The following DPYSL2 variants were observed in gnomAD, a reference collection of about 807,000 sequenced individuals.
The protein encoded by DPYSL2 is dihydropyrimidinase-related protein 2.
Under a neutral mutation model 69.9 loss-of-function variants are expected in DPYSL2, and 13 were observed. The ratio of observed to expected loss-of-function variants is 0.19; its 90% confidence interval spans 0.12 to 0.30. The LOEUF is 0.30. DPYSL2 is among the 10% of genes least tolerant of loss of function. The probability of loss-of-function intolerance (pLI) is 1.00; values close to 1 mark genes in which losing one functional copy is unlikely to be tolerated. For synonymous variants in DPYSL2, 326 were observed against 359.1 expected (o/e 0.91, Z 1.04); for missense variants, 587 against 918.9 (o/e 0.64, Z 4.67).
chr8:26,655,794 T>C lies in DPYSL2; in HGVS notation c.*88T>C, dbSNP rs1803373619. The C allele has an allele frequency of 2.5e-5, 32 of 1,271,678 alleles. No individual in the cohort carries two copies. The South Asian group carries it at 5.4e-4, about 21-fold the overall frequency. 78.8% of individuals were successfully genotyped at this position (1,271,678 alleles called of 1,614,324 possible). On this transcript the variant is annotated 3_prime_UTR_variant, in exon 14 of 14. Coordinates refer to ENST00000521913, the MANE Select transcript of DPYSL2 (RefSeq NM_001197293.3). ...TTCTTTCTTCCTTCCTTTTTTTTTT[T>C]TTGTTTTTTTTTTTAAGAGCCTGTG...
Position 26,580,904 on chromosome 8 carries a change from G to A in DPYSL2, c.355-1065G>A, listed in dbSNP as rs974512626. ...CATCAGCAGCATTTGCAATAACGAT[G>A]AGTCATAATGTAGCATTTCTGTCAC... On this transcript the variant is annotated intron_variant, in intron 1 of 13. Transcript: ENST00000521913. This position sits in a 1 kb window ranked among gnomAD's most constrained non-coding sequence, Gnocchi z 4.1. Among the ~76,000 whole-genome samples, 1 of 152,194 alleles carries A rather than the reference G, an allele frequency of 6.6e-6. No individual in the cohort carries two copies. Among genetic ancestry groups the A allele is most frequent in the East Asian group, 1.9e-4 (1 of 5,198 alleles).
chr8:26,537,461 T>C, intron 1 of DPYSL2, among the ~76,000 whole-genome samples: 1 of 152,204 alleles, frequency 6.6e-6, no homozygotes, highest in Non-Finnish European at 1.5e-5. Context: ...AAATTGCTTG[T>C]GCTTTTAAAG....
rs1348769920 is a variant in DPYSL2, at chr8:26,640,232, G to C, written c.1127-3207G>C. Among the ~76,000 whole-genome samples, 1 of 152,124 alleles carries C rather than the reference G, an allele frequency of 6.6e-6. No individual in the cohort carries two copies. Among genetic ancestry groups the C allele is most frequent in the African/African-American group, 2.4e-5 (1 of 41,406 alleles). On this transcript the variant is annotated intron_variant, in intron 8 of 13. Coordinates refer to ENST00000521913, the MANE Select transcript of DPYSL2 (RefSeq NM_001197293.3). The surrounding 1 kb of genome is among the most constrained non-coding windows in gnomAD (Gnocchi z 4.2). Reference sequence around the variant, plus strand: ...CCATTTATTCTTCATGAATGCACACGGGCCCCAGACTGGTTGTAAATAAGC... The same window carrying C: ...CCATTTATTCTTCATGAATGCACACCGGCCCCAGACTGGTTGTAAATAAGC...
Position 26,588,260 on chromosome 8 carries a change from C to T in DPYSL2, c.628+4277C>T, listed in dbSNP as rs571972002. On this transcript the variant is annotated intron_variant, in intron 3 of 13. Transcript: ENST00000521913. The surrounding 1 kb of genome is among the most constrained non-coding windows in gnomAD (Gnocchi z 5.4). ...GACCTGAGTATTCACTGAGAGCAGG[C>T]GCTGTCTAGGCGTGGCTGGCGGACT... is the stretch of plus-strand genomic sequence containing the variant. Among the ~76,000 whole-genome samples, 2 of 152,294 alleles carry T rather than the reference C, an allele frequency of 1.3e-5. No homozygotes were observed. The highest frequency in any genetic ancestry group is 4.1e-4 in the South Asian group (2 of 4,826).
chr8:26,607,482 C>CAAAAAAAAA (rs543475606), intron 3 of DPYSL2, among the ~76,000 whole-genome samples: 49 of 105,892 alleles, frequency 4.6e-4, no homozygotes, highest in Admixed American at 1.5e-3. Context: ...GACTCTGTCT[C>CAAAAAAAAA]AAAAAAAAAA....
At chr8:26,530,673 G>A (rs965488404) in intron 1 of DPYSL2, among the ~76,000 whole-genome samples, 3 of 152,144 alleles carry the variant, frequency 2.0e-5, no homozygotes, top group Admixed American at 6.5e-5. Flanking sequence ...AAACCGTTCC[G>A]ATGCTGTTTT....
intron 3 of DPYSL2, among the ~76,000 whole-genome samples, chr8:26,622,117 C>T (rs1381882815): frequency 2.1e-5 from 1 of 48,192 alleles, no homozygotes; most frequent in African/African-American, 6.2e-5. Flanking sequence ...TTCCTTCCTT[C>T]CTTCCTTCCT....
intron 1 of DPYSL2, among the ~76,000 whole-genome samples, chr8:26,552,716 T>C (rs1800890222): frequency 6.6e-6 from 1 of 152,180 alleles, no homozygotes; most frequent in African/African-American, 2.4e-5. Context: ...AGACCCGCTC[T>C]TGTGATAAGT....
Position 26,598,607 on chromosome 8 carries a change from G to A in DPYSL2, c.628+14624G>A, listed in dbSNP as rs757755699. Among the ~76,000 whole-genome samples, 5 of 152,184 alleles carry A rather than the reference G, an allele frequency of 3.3e-5. No individual in the cohort carries two copies. Among genetic ancestry groups the A allele is most frequent in the South Asian group, 2.1e-4 (1 of 4,826 alleles). On this transcript the variant is annotated intron_variant, in intron 3 of 13. Transcript: ENST00000521913. The surrounding 1 kb of genome is among the most constrained non-coding windows in gnomAD (Gnocchi z 4.2). ...CCCCCCAGGCACAGTCCCTGCTTAC[G>A]GGAGATTTGAGGCATTTGATCATTT...
chr8:26,578,610 T>C, intron 1 of DPYSL2: 1 of 1,242,796 alleles, frequency 8.0e-7, no homozygotes, highest in South Asian at 1.9e-5. Flanking sequence ...TGCAAGCAAA[T>C]GGATGCCAGA....
At chr8:26,528,651 A>G (rs1808528587) in intron 1 of DPYSL2, among the ~76,000 whole-genome samples, 1 of 152,040 alleles carries the variant, frequency 6.6e-6, no homozygotes, top group South Asian at 2.1e-4. Flanking sequence ...GTCTAAAAAA[A>G]AAAAAGAAAG....
intron 1 of DPYSL2, among the ~76,000 whole-genome samples, chr8:26,546,759 A>C (rs1800775050): frequency 6.6e-6 from 1 of 150,772 alleles, no homozygotes; most frequent in Non-Finnish European, 1.5e-5. Flanking sequence ...CTCTACTAAA[A>C]ATTCAAAAAA....
At chr8:26,596,369 G>T (rs1801861325) in intron 3 of DPYSL2, among the ~76,000 whole-genome samples, 1 of 152,138 alleles carries the variant, frequency 6.6e-6, no homozygotes, top group Non-Finnish European at 1.5e-5. Context: ...TGCAAACCAG[G>T]GCTGTCCTAG....
intron 3 of DPYSL2, among the ~76,000 whole-genome samples, chr8:26,592,461 AG>A (rs1428332890): frequency 1.0e-5 from 1 of 98,850 alleles, no homozygotes; most frequent in Non-Finnish European, 2.3e-5. Flanking sequence ...TTGGTACATT[AG>A]TTTTTTTTTT....
At position 26,581,995 on chromosome 8, in the gene DPYSL2, T is replaced by C; in HGVS notation, c.381T>C (p.Gly127=). Residue 127 remains glycine (G), a synonymous_variant, in exon 2 of 14, where the codon GGT becomes GGC. Coordinates refer to ENST00000521913, the MANE Select transcript of DPYSL2 (RefSeq NM_001197293.3). ...DQSDRLLIKG[G]KIVNDDQSFY... is the part of the protein sequence containing the mutation. Reference sequence around the variant, plus strand: ...GCGATCGTCTTCTGATCAAAGGAGGTAAAATTGTTAATGATGACCAGTCGT... The same window carrying C: ...GCGATCGTCTTCTGATCAAAGGAGGCAAAATTGTTAATGATGACCAGTCGT... 6.2e-7 allele frequency: 1 copy of C among 1,613,988 alleles called. No homozygotes were observed. Among genetic ancestry groups the C allele is most frequent in the Non-Finnish European group, 8.5e-7 (1 of 1,180,012 alleles).
Position 26,515,879 on chromosome 8 carries a change from A to G in DPYSL2, c.354+1200A>G, listed in dbSNP as rs1396997692. On this transcript the variant is annotated intron_variant, in intron 1 of 13. Transcript: ENST00000521913. ...AAAGTGCAAGAGGTTTCTTCTTCTC[A>G]GAGGGCTTCCAGAGTAGTTGGGAGT... Among the ~76,000 whole-genome samples, 4 of 152,230 alleles carry G rather than the reference A, an allele frequency of 2.6e-5. No individual in the cohort carries two copies. In the East Asian group the frequency reaches 7.7e-4, roughly 29 times the overall value.
intron 1 of DPYSL2, among the ~76,000 whole-genome samples, chr8:26,532,793 T>G (rs1387505610): frequency 6.6e-6 from 1 of 152,210 alleles, no homozygotes; most frequent in Non-Finnish European, 1.5e-5. Context: ...GTTGGGTTGT[T>G]TCCACTTTTT....
At chr8:26,595,583 G>C (rs1374515675) in intron 3 of DPYSL2, among the ~76,000 whole-genome samples, 3 of 152,224 alleles carry the variant, frequency 2.0e-5, no homozygotes, top group African/African-American at 7.2e-5. Flanking sequence ...CGCTGAACCA[G>C]ACCTCTGCCC....
intron 10 of DPYSL2, among the ~76,000 whole-genome samples, chr8:26,646,418 T>G (rs1803165773): frequency 6.6e-6 from 1 of 152,210 alleles, no homozygotes; most frequent in Non-Finnish European, 1.5e-5. Context: ...TTCTACCACC[T>G]GGGTGTCATC....
Sources: allele counts gnomAD v4.1 joint callset (sites outside exome capture counted in the v4.1 genomes callset), GRCh38; gene constraint gnomAD v4.1.1; non-coding constraint Gnocchi (gnomAD v3.1); transcripts MANE v1.5; gene names NCBI Gene and HGNC (gene_info 2026-07-23, HGNC 2026-07-21).